Variants in FYCO1 observed in about 807,000 individuals in gnomAD.
The protein encoded by FYCO1 is FYVE and coiled-coil domain autophagy adaptor 1, also known as FYVE and coiled-coil domain-containing protein 1.
FYCO1 carries 122 observed loss-of-function variants against 165.1 expected under a neutral mutation model. The observed-to-expected ratio is 0.74, with a 90% CI of 0.64 to 0.86. The LOEUF (loss-of-function observed/expected upper bound fraction) is 0.86. FYCO1 is among the 40% of genes least tolerant of loss of function. The pLI is 0.00. For synonymous variants in FYCO1, 648 were observed against 742.5 expected (o/e 0.87, Z 2.07); for missense variants, 1,702 against 1,810.3 (o/e 0.94, Z 1.09).
rs148631724 is a variant in FYCO1, at chr3:45,937,835, C to T, written c.3945-1292G>A. Among the ~76,000 whole-genome samples, 193 of 152,292 alleles carry T rather than the reference C, an allele frequency of 1.3e-3. 1 individual carries two copies. Among genetic ancestry groups the T allele is most frequent in the Middle Eastern group, 0.01 (3 of 294 alleles). The stretch of plus-strand genomic sequence containing the variant: ...ACACCTCCTTCTTTTTGCTTTCCAG[C>T]CGCTGGTTTCCAGGCCCGCACCCTC... On this transcript the variant is annotated intron_variant, in intron 14 of 17. Coordinates refer to ENST00000296137, the MANE Select transcript of FYCO1 (RefSeq NM_024513.4).
At chr3:45,963,852 G>A (rs986856878) in intron 10 of FYCO1, among the ~76,000 whole-genome samples, 1 of 152,200 alleles carries the variant, frequency 6.6e-6, no homozygotes, top group Non-Finnish European at 1.5e-5. Flanking sequence ...ACAAAGACAG[G>A]CTGATCCTGG....
intron 14 of FYCO1, among the ~76,000 whole-genome samples, chr3:45,940,771 C>T (rs1168640593): frequency 6.6e-6 from 1 of 152,208 alleles, no homozygotes; most frequent in Non-Finnish European, 1.5e-5. Flanking sequence ...CTTAAGCCTA[C>T]TTCTGCCCCT....
intron 14 of FYCO1, 124 bp downstream of exon 14, chr3:45,955,125 T>C (rs1705236753): frequency 3.4e-6 from 4 of 1,169,410 alleles, no homozygotes; most frequent in Non-Finnish European, 5.1e-6. Flanking sequence ...TCGCAAGCAC[T>C]GTTCCCTTAG....
chr3:45,934,143 T>A lies in FYCO1; in HGVS notation c.4040+2305A>T, dbSNP rs1019968536. On this transcript the variant is annotated intron_variant, in intron 15 of 17. Transcript: ENST00000296137. ...GAAAAAGAACAGAGCCTGAGGAATC[T>A]ACAAGGCAAGGACAAAAGATCTCAC... 2.6e-5 allele frequency among the ~76,000 whole-genome samples: 4 copies of A among 152,162 alleles called. No homozygotes were observed. The East Asian group carries it at 7.7e-4, about 29-fold the overall frequency.
Position 45,936,442 on chromosome 3 carries a change from A to C in FYCO1, c.4040+6T>G. 1.9e-6 allele frequency: 3 copies of C among 1,608,536 alleles called. No individual in the cohort carries two copies. The highest frequency in any genetic ancestry group is 2.6e-6 in the Non-Finnish European group (3 of 1,174,952). ...GGGGAGGGCCCAGGCAGCAGTTGCC[A>C]CTTACATCAGTTCTCCAGACTTCAG... On this transcript the variant is annotated splice_donor_region_variant and intron_variant, in intron 15 of 17. Coordinates refer to ENST00000296137, the MANE Select transcript of FYCO1 (RefSeq NM_024513.4).
Position 45,958,380 on chromosome 3 carries a change from T to C in FYCO1, c.3799+28A>G, listed in dbSNP as rs768418890. The C allele has an allele frequency of 1.9e-5, 31 of 1,597,874 alleles. No homozygotes were observed. The East Asian group carries it at 2.0e-4, about 10-fold the overall frequency. ...GGGAGGAAGTGGCACCTAGAGAACATAGTAGGCAGTAGTAGCAGGAGACTG... is the reference window on the plus strand; with the variant it reads ...GGGAGGAAGTGGCACCTAGAGAACACAGTAGGCAGTAGTAGCAGGAGACTG... On this transcript the variant is annotated intron_variant, in intron 13 of 17. Transcript: ENST00000296137.
chr3:45,984,174 A>C (rs528190777), intron 2 of FYCO1, among the ~76,000 whole-genome samples: 3 of 152,334 alleles, frequency 2.0e-5, no homozygotes, highest in Admixed American at 6.5e-5. Flanking sequence ...GAAAACTTAT[A>C]AAAACTCTGA....
Position 45,967,412 on chromosome 3 carries a change from G to A in FYCO1, c.1922C>T (p.Ala641Val), listed in dbSNP as rs773743760. ...CAAAGCCTGGTAATCGGCCTGCAGG[G>A]CTTGCAGCTTGCCCTCCAGGAGCTG... ...RNQLLEGKLQ[A>V]LQADYQALQQ... is the part of the protein sequence containing the mutation. Residue 641 changes from alanine (A) to valine (V), a missense_variant, in exon 8 of 18, where the codon GCC (alanine) becomes GTC (valine). Physicochemically the swap from Ala to Val is moderately conservative, Grantham distance 64. Transcript: ENST00000296137. 6.2e-7 allele frequency: 1 copy of A among 1,613,066 alleles called. No individual in the cohort carries two copies. The highest frequency in any genetic ancestry group is 8.5e-7 in the Non-Finnish European group (1 of 1,179,676).
intron 14 of FYCO1, among the ~76,000 whole-genome samples, chr3:45,952,579 C>T (rs552303715): frequency 1.4e-4 from 21 of 152,274 alleles, no homozygotes; most frequent in Non-Finnish European, 2.2e-4. Flanking sequence ...CCTTGGTGGC[C>T]GAAGACCAGC....
chr3:45,936,321 G>T (rs1575333950), intron 15 of FYCO1, 127 bp downstream of exon 15: 2 of 549,592 alleles, frequency 3.6e-6, no homozygotes, highest in South Asian at 3.4e-5. Flanking sequence ...TGAAAAAAAA[G>T]AATAAACGAA....
chr3:45,952,208 C>T (rs1323124855), intron 14 of FYCO1, among the ~76,000 whole-genome samples: 1 of 152,238 alleles, frequency 6.6e-6, no homozygotes, highest in Non-Finnish European at 1.5e-5. Flanking sequence ...TTCAACAACA[C>T]TACTTCCAAG....
At chr3:45,978,393 A>T (rs1559465609) in intron 4 of FYCO1, among the ~76,000 whole-genome samples, 1 of 152,232 alleles carries the variant, frequency 6.6e-6, no homozygotes, top group South Asian at 2.1e-4. Context: ...ACTAACATGG[A>T]CATTAAAGAA....
intron 1 of FYCO1, among the ~76,000 whole-genome samples, chr3:45,990,805 C>T (rs1399220042): frequency 1.3e-5 from 2 of 152,284 alleles, no homozygotes; most frequent in African/African-American, 2.4e-5. Flanking sequence ...TGGAGTCTCG[C>T]TCTGTCGCCA....
At chr3:45,978,369 C>A (rs1706873286) in intron 4 of FYCO1, among the ~76,000 whole-genome samples, 1 of 152,212 alleles carries the variant, frequency 6.6e-6, no homozygotes, top group African/African-American at 2.4e-5. Context: ...CCAGACCTCA[C>A]AAGACTCATC....
chr3:45,956,507 A>G (rs890262277), intron 13 of FYCO1, among the ~76,000 whole-genome samples: 50 of 152,344 alleles, frequency 3.3e-4, no homozygotes, highest in African/African-American at 1.2e-3. Flanking sequence ...AGGTGAGCTT[A>G]AAGTTCCCAC....
intron 14 of FYCO1, among the ~76,000 whole-genome samples, chr3:45,954,187 A>G (rs575218141): frequency 2.9e-4 from 44 of 152,232 alleles, no homozygotes; most frequent in African/African-American, 1.0e-3. Context: ...ACAAATTCAT[A>G]AACTTTCTTG....
At chr3:45,947,097 A>G (rs1704665667) in intron 14 of FYCO1, 1 of 1,614,102 alleles carries the variant, frequency 6.2e-7, no homozygotes. Flanking sequence ...GCCACTGCTC[A>G]CCATGATTGT....
chr3:45,938,259 C>A (rs1035685198), intron 14 of FYCO1: 3 of 1,288,412 alleles, frequency 2.3e-6, no homozygotes, highest in Non-Finnish European at 3.0e-6. Flanking sequence ...AGACGCCCTG[C>A]ATGAGTGAGG....
At chr3:45,922,776 T>C (rs1382950198) in intron 17 of FYCO1, among the ~76,000 whole-genome samples, 1 of 152,074 alleles carries the variant, frequency 6.6e-6, no homozygotes. Flanking sequence ...ATGACTCAGG[T>C]TTTCCCTAGT....
Sources: allele counts gnomAD v4.1 joint callset (sites outside exome capture counted in the v4.1 genomes callset), GRCh38; gene constraint gnomAD v4.1.1; transcripts MANE v1.5; gene names NCBI Gene and HGNC (gene_info 2026-07-23, HGNC 2026-07-21).